ZNF25: variants seen among roughly 807,000 people sequenced by gnomAD.
ZNF25 encodes the protein zinc finger protein 25.
In ZNF25, 21 loss-of-function variants were observed where a neutral mutation model predicts 30.9. That is an observed-to-expected ratio of 0.68 (90% confidence interval 0.48 to 0.98). The LOEUF (loss-of-function observed/expected upper bound fraction) is 0.98, where lower values mean the gene tolerates loss of function less well. Among genes scored for constraint, ZNF25 ranks in the 50% least tolerant of loss-of-function variants. ZNF25 has a pLI of 0.00. For missense variants in ZNF25, 501 were observed against 529.9 expected (o/e 0.95, Z 0.54); for synonymous variants, 169 against 181.3 (o/e 0.93, Z 0.55).
rs1055202676 is a variant in ZNF25 at position 37,957,132 on chromosome 10, T to C, written c.143-17A>G. ...CATGGTAACCTATGAATGGAAAATA[T>C]CAAGGAAATGATACAAATTGCTTGG... On this transcript the variant is annotated splice_polypyrimidine_tract_variant and intron_variant, in intron 3 of 5. Transcript: ENST00000302609. The C allele has an allele frequency of 1.2e-6, 2 of 1,604,182 alleles. No individual in the cohort carries two copies. The highest frequency in any genetic ancestry group is 1.7e-6 in the Non-Finnish European group (2 of 1,171,720).
intron 1 of ZNF25, 80 bp from the exon 2 acceptor site, chr10:37,971,887 G>A (rs2063512981): frequency 2.2e-6 from 2 of 903,598 alleles, no homozygotes; most frequent in Admixed American, 2.3e-5. Flanking sequence ...AGAAAGCATA[G>A]TAAGGACCAT....
intron 2 of ZNF25, among the ~76,000 whole-genome samples, chr10:37,970,057 G>A (rs2135432000): frequency 6.6e-6 from 1 of 152,262 alleles, no homozygotes; most frequent in East Asian, 1.9e-4. Flanking sequence ...TCAGAATCTG[G>A]CTGGCATGTT....
At chr10:37,959,420 T>G (rs1314230593) in intron 2 of ZNF25, among the ~76,000 whole-genome samples, 1 of 152,134 alleles carries the variant, frequency 6.6e-6, no homozygotes, top group Non-Finnish European at 1.5e-5. Flanking sequence ...GCTCCCATAG[T>G]GTCTGTATGT....
At chr10:37,976,426 G>C (rs2063821346) in intron 1 of ZNF25, 80 bp downstream of exon 1, 2 of 152,230 alleles carry the variant, frequency 1.3e-5, no homozygotes, top group South Asian at 2.1e-4. Flanking sequence ...CGCGGAGGCC[G>C]CTCCGGGGCC....
chr10:37,974,133 G>A (rs969043206), intron 1 of ZNF25, among the ~76,000 whole-genome samples: 4 of 152,104 alleles, frequency 2.6e-5, no homozygotes, highest in Non-Finnish European at 5.9e-5. Context: ...AAATGATAGT[G>A]GATTAAAGAG....
Position 37,952,802 on chromosome 10 carries a change from A to G in ZNF25, c.696T>C (p.Cys232=). 6.2e-7 allele frequency: 1 copy of G among 1,613,840 alleles called. No individual in the cohort carries two copies. ...CATAGAAGAACTTCCCACATTCAGT[A>G]CATTCAAAAGGTTTCTCCCCTGTGT... ...KTHTGEKPFE[C]TECGKFFYVK... is the part of the protein sequence containing the mutation. Residue 232 remains cysteine, a synonymous_variant, in exon 6 of 6, where the codon TGT becomes TGC. Transcript: ENST00000302609.
intron 2 of ZNF25, among the ~76,000 whole-genome samples, chr10:37,961,865 G>T (rs1210561013): frequency 6.9e-6 from 1 of 143,988 alleles, no homozygotes; most frequent in Non-Finnish European, 1.5e-5. Context: ...ATGTTGTGGT[G>T]AGCCGAGATC....
In ZNF25 at chr10:37,949,816, G is replaced by T. The variant is rs967724843; in HGVS notation, c.*2311C>A. The T allele has an allele frequency of 1.3e-5, 2 of 152,518 alleles. No individual in the cohort carries two copies. Among genetic ancestry groups the T allele is most frequent in the South Asian group, 4.1e-4 (2 of 4,824 alleles). The allele number at this position is 152,518 out of a possible 1,614,324, so 9.4% of individuals were successfully genotyped here. A position where few individuals can be genotyped will look rare whatever the true frequency, so the allele number is the denominator to read the frequency against. ...TACAGGGAAAACTGGCCATTGATTT[G>T]GGAGAAAACAAAGGAATACTGTGGG... On this transcript the variant is annotated 3_prime_UTR_variant, in exon 6 of 6. Coordinates refer to ENST00000302609, the MANE Select transcript of ZNF25 (RefSeq NM_145011.4).
intron 1 of ZNF25, among the ~76,000 whole-genome samples, chr10:37,974,709 C>G (rs1264825059): frequency 4.6e-5 from 7 of 152,092 alleles, no homozygotes; most frequent in Admixed American, 2.0e-4. Flanking sequence ...ATGGAGGTTC[C>G]TCAAAAAATT....
chr10:37,953,105 A>T lies in ZNF25; in HGVS notation c.393T>A (p.Ser131=), dbSNP rs1400908550. The change falls in exon 6 of 6, where the codon TCT becomes TCA. Residue 131 remains serine (S), a synonymous_variant. Transcript: ENST00000302609. ...KECGKFFCQK[S]ALIVHQHTHS... ...GAGTATGCTGATGTACTATGAGGGC[A>T]GACTTCTGGCAGAAGAACTTCCCAC... The T allele has an allele frequency of 1.2e-6, 2 of 1,611,832 alleles. No homozygotes were observed. Among genetic ancestry groups the T allele is most frequent in the Admixed American group, 3.4e-5 (2 of 59,684 alleles).
rs2062109270 is a variant in ZNF25 at position 37,950,938 on chromosome 10, A to G, written c.*1189T>C. On this transcript the variant is annotated 3_prime_UTR_variant, in exon 6 of 6. Coordinates refer to ENST00000302609, the MANE Select transcript of ZNF25 (RefSeq NM_145011.4). ...TGCTCACACATCAACAGTAAGATACATAATATTTCTTACATTGCACTATTT... is the reference window on the plus strand; with the variant it reads ...TGCTCACACATCAACAGTAAGATACGTAATATTTCTTACATTGCACTATTT... The G allele has an allele frequency of 6.6e-6, 1 of 152,198 alleles. No individual in the cohort carries two copies. The highest frequency in any genetic ancestry group is 6.5e-5 in the Admixed American group (1 of 15,282). The allele number at this position is 152,198 out of a possible 1,614,324, so 9.4% of individuals were successfully genotyped here. A position where few individuals can be genotyped will look rare whatever the true frequency, so the allele number is the denominator to read the frequency against.
intron 1 of ZNF25, among the ~76,000 whole-genome samples, chr10:37,973,244 C>T (rs114927807): frequency 6.6e-6 from 1 of 151,634 alleles, no homozygotes; most frequent in African/African-American, 2.4e-5. Context: ...GAAAGCAATC[C>T]CATTTACAAC....
At chr10:37,960,501 G>A (rs2062801343) in intron 2 of ZNF25, among the ~76,000 whole-genome samples, 1 of 149,810 alleles carries the variant, frequency 6.7e-6, no homozygotes, top group African/African-American at 2.5e-5. Flanking sequence ...ATGGGCGCCT[G>A]TAATCCCAGC....
intron 2 of ZNF25, among the ~76,000 whole-genome samples, chr10:37,962,847 AACTC>A (rs1428895712): frequency 1.3e-5 from 2 of 152,174 alleles, no homozygotes; most frequent in South Asian, 2.1e-4. Flanking sequence ...TAACTATCAA[AACTC>A]ACTCAGGAAG....
intron 2 of ZNF25, among the ~76,000 whole-genome samples, chr10:37,964,654 G>T (rs1208652): frequency 1.3e-5 from 2 of 152,136 alleles, no homozygotes; most frequent in South Asian, 4.1e-4. Flanking sequence ...AATAGCCTTT[G>T]ATCAAATATA....
chr10:37,971,618 T>C (rs2063491643), intron 2 of ZNF25, 90 bp downstream of exon 2: 5 of 1,566,388 alleles, frequency 3.2e-6, no homozygotes, highest in Non-Finnish European at 4.3e-6. Flanking sequence ...CTCTCGTTCA[T>C]AAAACTCATT....
At chr10:37,960,336 C>T (rs751560302) in intron 2 of ZNF25, among the ~76,000 whole-genome samples, 28 of 151,382 alleles carry the variant, frequency 1.8e-4, no homozygotes, top group African/African-American at 6.3e-4. Flanking sequence ...CTGTGGGGGC[C>T]GGGTGTGGTG....
rs1362729118 is a variant in ZNF25 at position 37,950,830 on chromosome 10, T to G, written c.*1297A>C. On this transcript the variant is annotated 3_prime_UTR_variant, in exon 6 of 6. Transcript: ENST00000302609. ...AGAGTCCACACCCTTAACTATGCCA[T>G]GTTGCTTCTATGAGGAAGAAAAAGT... 2 of 152,176 alleles carry G rather than the reference T, an allele frequency of 1.3e-5. No homozygotes were observed. The highest frequency in any genetic ancestry group is 4.8e-5 in the African/African-American group (2 of 41,454). The allele number at this position is 152,176 out of a possible 1,614,324, so 9.4% of individuals were successfully genotyped here.
At chr10:37,957,389 T>A (rs1564765413) in intron 3 of ZNF25, 31 bp downstream of exon 3, 3 of 1,604,176 alleles carry the variant, frequency 1.9e-6, no homozygotes, top group Non-Finnish European at 2.6e-6. Context: ...TGCAAACTAC[T>A]GGGATTTACA....
Sources: allele counts gnomAD v4.1 joint callset (sites outside exome capture counted in the v4.1 genomes callset), GRCh38; gene constraint gnomAD v4.1.1; transcripts MANE v1.5; gene names NCBI Gene and HGNC (gene_info 2026-07-23, HGNC 2026-07-21).